CEP112: variants seen among roughly 807,000 people sequenced by gnomAD.
The protein encoded by CEP112 is centrosomal protein of 112 kDa.
In CEP112, 127 loss-of-function variants were observed where a neutral mutation model predicts 153.0. The ratio of observed to expected loss-of-function variants is 0.83; its 90% confidence interval spans 0.72 to 0.96. The LOEUF is 0.96. Ranked by LOEUF, CEP112 falls within the 40% of genes least tolerant of loss-of-function variation. The probability of loss-of-function intolerance (pLI) is 0.00; values close to 1 mark genes in which losing one functional copy is unlikely to be tolerated. For missense variants in CEP112, 1,089 were observed against 1,101.2 expected, an observed-to-expected ratio of 0.99 and a Z score of 0.16; for synonymous variants, 358 against 374.4, an observed-to-expected ratio of 0.96 and a Z score of 0.51.
chr17:65,869,190 C>T (rs1219927381), intron 20 of CEP112, among the ~76,000 whole-genome samples: 1 of 152,120 alleles, frequency 6.6e-6, no homozygotes. Context: ...TTTTAAGATC[C>T]CTTAAATGAC....
chr17:65,775,247 T>C (rs1163820700), intron 21 of CEP112, among the ~76,000 whole-genome samples: 1 of 151,960 alleles, frequency 6.6e-6, no homozygotes, highest in African/African-American at 2.4e-5. Flanking sequence ...CCCTCACAGC[T>C]GGGACACGGA....
At chr17:65,978,609 T>C (rs1049749409) in intron 17 of CEP112, among the ~76,000 whole-genome samples, 1 of 152,268 alleles carries the variant, frequency 6.6e-6, no homozygotes, top group African/African-American at 2.4e-5. Context: ...CAAGGAAGTA[T>C]TATTGTCCTT....
chr17:65,772,501 G>A (rs2053418250), intron 21 of CEP112, among the ~76,000 whole-genome samples: 1 of 151,492 alleles, frequency 6.6e-6, no homozygotes, highest in African/African-American at 2.4e-5. Context: ...AAACAAAATG[G>A]ATAAATCTCT....
chr17:65,730,623 T>C (rs1178946214), intron 23 of CEP112, among the ~76,000 whole-genome samples: 1 of 152,204 alleles, frequency 6.6e-6, no homozygotes, highest in African/African-American at 2.4e-5. Context: ...CATTTGATGC[T>C]AGGCATCGAG....
chr17:65,918,567 A>T (rs1430435505), intron 19 of CEP112, among the ~76,000 whole-genome samples: 1 of 152,190 alleles, frequency 6.6e-6, no homozygotes, highest in Non-Finnish European at 1.5e-5. Flanking sequence ...TGGAAAGCAA[A>T]GATATAAAAC....
chr17:65,824,766 G>A lies in CEP112; in HGVS notation c.2394+27038C>T, dbSNP rs146512464. 7.9e-3 allele frequency among the ~76,000 whole-genome samples: 1,205 copies of A among 152,236 alleles called. 11 individuals are homozygous for A. Among genetic ancestry groups the A allele is most frequent in the South Asian group, 0.02 (96 of 4,816 alleles). ...GGGTACAGCACAGACTGTTATCTGT[G>A]GTGGGAGAGACAGTTAAGAAAGGTA... On this transcript the variant is annotated intron_variant, in intron 21 of 26. Transcript: ENST00000535342.
chr17:66,130,797 A>C (rs2070125744), intron 5 of CEP112, among the ~76,000 whole-genome samples: 2 of 150,686 alleles, frequency 1.3e-5, no homozygotes, highest in African/African-American at 4.9e-5. Context: ...AAAAAAACAC[A>C]CACAATTATG....
At chr17:66,180,880 T>C (rs1398736791) in intron 2 of CEP112, among the ~76,000 whole-genome samples, 2 of 152,190 alleles carry the variant, frequency 1.3e-5, no homozygotes, top group Admixed American at 1.3e-4. Flanking sequence ...GGATTTACTA[T>C]GGTGCAAACA....
chr17:65,929,222 G>C (rs1599045628), intron 18 of CEP112, among the ~76,000 whole-genome samples: 2 of 152,252 alleles, frequency 1.3e-5, no homozygotes, highest in African/African-American at 4.8e-5. Context: ...CAACAAAGCT[G>C]TTATTAAAAA....
At chr17:65,698,167 C>T (rs1417610623) in intron 23 of CEP112, among the ~76,000 whole-genome samples, 2 of 152,124 alleles carry the variant, frequency 1.3e-5, no homozygotes, top group East Asian at 1.9e-4. Context: ...ATATGTTACT[C>T]TTCACATAAG....
At position 65,921,891 on chromosome 17, in the gene CEP112, AT is replaced by A. The variant is rs60473139; in HGVS notation, c.1980+5690del. Among the ~76,000 whole-genome samples, 1,131 of 151,946 alleles carry A rather than the reference AT, an allele frequency of 7.4e-3. 11 individuals carry two copies. The highest frequency in any genetic ancestry group is 0.025 in the African/African-American group (1,049 of 41,462). ...TACATGCTTCCAGACAAATTTATAT[AT>A]TTTTTTTACATTAAAAAAGTGAAAC... On this transcript the variant is annotated intron_variant, in intron 19 of 26. Coordinates refer to ENST00000535342, the MANE Select transcript of CEP112 (RefSeq NM_001199165.4).
intron 23 of CEP112, among the ~76,000 whole-genome samples, chr17:65,690,734 T>C (rs2048069494): frequency 1.3e-5 from 2 of 152,084 alleles, no homozygotes; most frequent in African/African-American, 2.4e-5. Context: ...AGATGGTATG[T>C]TTGTGGAAGC....
intron 20 of CEP112, among the ~76,000 whole-genome samples, chr17:65,886,450 C>T (rs988977575): frequency 4.6e-5 from 7 of 152,106 alleles, no homozygotes; most frequent in South Asian, 2.1e-4. Context: ...ATGATTATAA[C>T]GGCATAGCAG....
At chr17:66,098,561 TAG>T (rs1294230819) in intron 6 of CEP112, among the ~76,000 whole-genome samples, 2 of 152,256 alleles carry the variant, frequency 1.3e-5, no homozygotes, top group East Asian at 3.9e-4. Context: ...ACATTTATAA[TAG>T]AATCCAATCA....
intron 21 of CEP112, among the ~76,000 whole-genome samples, chr17:65,767,391 G>A (rs1053110848): frequency 1.3e-5 from 2 of 151,866 alleles, no homozygotes; most frequent in African/African-American, 2.4e-5. Context: ...AAGCATAAAT[G>A]TCCCATAAGA....
chr17:66,183,161 T>C (rs1478035052), intron 2 of CEP112, 33 bp downstream of exon 2: 5 of 1,395,128 alleles, frequency 3.6e-6, no homozygotes, highest in Non-Finnish European at 4.9e-6. Context: ...AAAAAATTAA[T>C]CTTAAGAATC....
intron 21 of CEP112, among the ~76,000 whole-genome samples, chr17:65,808,577 T>A (rs919838133): frequency 6.6e-6 from 1 of 152,112 alleles, no homozygotes; most frequent in Non-Finnish European, 1.5e-5. Flanking sequence ...GGGGGTGGAC[T>A]TCCCCCTTGC....
chr17:66,001,043 G>A (rs980586239), intron 17 of CEP112, among the ~76,000 whole-genome samples: 11 of 152,154 alleles, frequency 7.2e-5, no homozygotes, highest in African/African-American at 1.9e-4. Context: ...TGTAAATTGC[G>A]CCTAGTTGGG....
intron 24 of CEP112, among the ~76,000 whole-genome samples, chr17:65,682,371 C>T (rs1219745739): frequency 2.0e-5 from 3 of 150,406 alleles, no homozygotes; most frequent in East Asian, 1.9e-4. Flanking sequence ...TCAAGCCTTC[C>T]GTATTTCTCT....
Sources: gnomAD v4.1 joint callset for allele counts (sites outside exome capture counted in the v4.1 genomes callset) on GRCh38, gnomAD v4.1.1 for gene constraint, MANE v1.5 for transcripts, NCBI Gene and HGNC (gene_info 2026-07-23, HGNC 2026-07-21) for gene names.